Variants in FMN1 observed in about 807,000 individuals in gnomAD.
The protein encoded by FMN1 is formin 1, also known as formin-1.
In FMN1, 110 loss-of-function variants were observed where a neutral mutation model predicts 132.4. That is an observed-to-expected ratio of 0.83 (90% confidence interval 0.71 to 0.97). The LOEUF is 0.97. Ranked by LOEUF, FMN1 falls within the 50% of genes least tolerant of loss-of-function variation. FMN1 has a pLI of 0.00. For missense variants in FMN1, 1,792 were observed against 1,705.3 expected (o/e 1.05, Z -0.90); for synonymous variants, 722 against 651.7 (o/e 1.11, Z -1.64).
intron 9 of FMN1, among the ~76,000 whole-genome samples, chr15:32,933,692 T>C (rs777974762): frequency 6.6e-6 from 1 of 152,174 alleles, no homozygotes; most frequent in Non-Finnish European, 1.5e-5. Flanking sequence ...GAATTGACCC[T>C]TTTATCATTA....
chr15:32,898,638 C>T (rs534558819), intron 15 of FMN1, among the ~76,000 whole-genome samples, 196 bp downstream of exon 15: 13 of 152,308 alleles, frequency 8.5e-5, no homozygotes, highest in African/African-American at 1.7e-4. Context: ...AGTAGATTTA[C>T]ACCACTGAAT....
At chr15:32,882,161 G>A (rs558307742) in intron 16 of FMN1, among the ~76,000 whole-genome samples, 1 of 152,312 alleles carries the variant, frequency 6.6e-6, no homozygotes, top group South Asian at 2.1e-4. Flanking sequence ...AGTCCCTTTA[G>A]AAGATGAGCC....
chr15:32,907,019 T>G (rs2060442096), intron 12 of FMN1, among the ~76,000 whole-genome samples: 1 of 152,174 alleles, frequency 6.6e-6, no homozygotes, highest in Non-Finnish European at 1.5e-5. Flanking sequence ...TTCCTGAGTC[T>G]AAATGTCCAG....
intron 16 of FMN1, among the ~76,000 whole-genome samples, chr15:32,871,518 T>C (rs12438573): frequency 2.0e-5 from 3 of 152,264 alleles, no homozygotes; most frequent in East Asian, 1.9e-4. Flanking sequence ...AGTTGGATAG[T>C]GAAATCCTTT....
intron 2 of FMN1, among the ~76,000 whole-genome samples, chr15:33,184,731 T>C (rs1965821452): frequency 1.3e-5 from 2 of 152,162 alleles, no homozygotes; most frequent in African/African-American, 4.8e-5. Context: ...CTCAAACTCC[T>C]GACCTCAAGT....
At chr15:33,119,631 G>C (rs907956981) in intron 4 of FMN1, among the ~76,000 whole-genome samples, 1 of 152,104 alleles carries the variant, frequency 6.6e-6, no homozygotes, top group Non-Finnish European at 1.5e-5. Flanking sequence ...TCTTTCAAGG[G>C]ATAGAAGTGA....
At chr15:33,008,692 A>G (rs932882007) in intron 6 of FMN1, among the ~76,000 whole-genome samples, 8 of 152,198 alleles carry the variant, frequency 5.3e-5, no homozygotes, top group South Asian at 2.1e-4. Flanking sequence ...TATTTCAACA[A>G]TAAGTCCCAA....
intron 6 of FMN1, among the ~76,000 whole-genome samples, chr15:33,034,208 A>G (rs1031009817): frequency 2.6e-5 from 4 of 152,172 alleles, no homozygotes; most frequent in African/African-American, 4.8e-5. Flanking sequence ...CAAGTTTAAC[A>G]TATCAGAAAT....
In FMN1 at chr15:33,065,007, G is replaced by C. The variant is rs777568166; in HGVS notation, c.2111C>G (p.Pro704Arg). 1 of 1,611,898 alleles carries C rather than the reference G, an allele frequency of 6.2e-7. No individual in the cohort carries two copies. Among genetic ancestry groups the C allele is most frequent in the South Asian group, 1.1e-5 (1 of 90,528 alleles). Residue 704 changes from proline (P) to arginine (R), a missense_variant, in exon 6 of 21, where the codon CCA becomes CGA. By Grantham distance (103) the Pro-to-Arg change is moderately radical. Around this residue, in one of 3 missense-constraint regions of FMN1, gnomAD observed 1,150 missense variants for 1,043.1 expected, o/e 1.10. Transcript: ENST00000616417. The stretch of plus-strand genomic sequence containing the variant: ...TTTTTCTTCTGTGTCTTTTGTCTTT[G>C]GGGGTGGCCAGACAGCTTGAAGTCT... ...PGRLQAVWPP[P>R]KTKDTEEKVG...
At chr15:33,051,329 T>C (rs1305912548) in intron 6 of FMN1, among the ~76,000 whole-genome samples, 1 of 152,032 alleles carries the variant, frequency 6.6e-6, no homozygotes, top group Non-Finnish European at 1.5e-5. Flanking sequence ...GGGGGCCACA[T>C]TAAAAATGGA....
chr15:32,983,355 A>G (rs1446990211), intron 7 of FMN1, among the ~76,000 whole-genome samples: 2 of 152,214 alleles, frequency 1.3e-5, no homozygotes, highest in African/African-American at 4.8e-5. Context: ...GGAGCCTGAG[A>G]TCAGAAGAGG....
chr15:32,902,797 A>G (rs1027855187), intron 12 of FMN1, among the ~76,000 whole-genome samples: 2 of 152,218 alleles, frequency 1.3e-5, no homozygotes, highest in African/African-American at 4.8e-5. Flanking sequence ...GGAAAGAGCG[A>G]CATACTCTCC....
Position 32,895,347 on chromosome 15 carries a change from C to A in FMN1, c.3714+3487G>T, listed in dbSNP as rs373390970. ...GAAAAAATGTGGGAAAAAAGGGAAACAAAAAGAGGAAGGAAAAAAAAAAAC... is the reference window on the plus strand; with the variant it reads ...GAAAAAATGTGGGAAAAAAGGGAAAAAAAAAGAGGAAGGAAAAAAAAAAAC... On this transcript the variant is annotated intron_variant, in intron 15 of 20. Coordinates refer to ENST00000616417, the MANE Select transcript of FMN1 (RefSeq NM_001277313.2). 5.8e-3 allele frequency among the ~76,000 whole-genome samples: 839 copies of A among 145,676 alleles called. 8 individuals are homozygous for A. The highest frequency in any genetic ancestry group is 0.02 in the African/African-American group (793 of 39,366).
intron 17 of FMN1, among the ~76,000 whole-genome samples, chr15:32,844,192 T>G (rs1442578382): frequency 2.0e-5 from 3 of 152,188 alleles, no homozygotes; most frequent in African/African-American, 7.2e-5. Context: ...GGTGTTACAG[T>G]GATTAACAGT....
intron 4 of FMN1, among the ~76,000 whole-genome samples, chr15:33,118,513 T>C (rs183512063): frequency 6.6e-6 from 1 of 152,320 alleles, no homozygotes; most frequent in South Asian, 2.1e-4. Flanking sequence ...ACATAATTTA[T>C]TTTTCCTAGG....
intron 4 of FMN1, among the ~76,000 whole-genome samples, chr15:33,131,374 G>C (rs1963540788): frequency 6.7e-6 from 1 of 149,242 alleles, no homozygotes; most frequent in African/African-American, 2.5e-5. Context: ...AGGATGTGCA[G>C]ATGTGCATGG....
At chr15:32,963,549 T>A (rs2030846489) in intron 9 of FMN1, among the ~76,000 whole-genome samples, 1 of 152,132 alleles carries the variant, frequency 6.6e-6, no homozygotes, top group African/African-American at 2.4e-5. Context: ...ATTAAAGAAC[T>A]AAATTATTTT....
At chr15:33,108,603 A>AT (rs1253282631) in intron 4 of FMN1, among the ~76,000 whole-genome samples, 1 of 152,102 alleles carries the variant, frequency 6.6e-6, no homozygotes, top group Non-Finnish European at 1.5e-5. Flanking sequence ...AAAGGCTACT[A>AT]TATAATGAAA....
At chr15:32,795,516 A>G (rs2057254637) in intron 19 of FMN1, among the ~76,000 whole-genome samples, 1 of 151,280 alleles carries the variant, frequency 6.6e-6, no homozygotes, top group Admixed American at 6.6e-5. Flanking sequence ...CCTGATACAT[A>G]CATTTTACAG....
Sources: allele counts gnomAD v4.1 joint callset (sites outside exome capture counted in the v4.1 genomes callset), GRCh38; gene constraint gnomAD v4.1.1; regional missense constraint gnomAD v4.1.1; transcripts MANE v1.5; gene names NCBI Gene and HGNC (gene_info 2026-07-23, HGNC 2026-07-21).